NUDT3: variants seen among roughly 807,000 people sequenced by gnomAD.
NUDT3 encodes nudix hydrolase 3.
Under a neutral mutation model 23.6 loss-of-function variants are expected in NUDT3, and 9 were observed. The observed-to-expected ratio is 0.38, with a 90% confidence interval of 0.23 to 0.66. The LOEUF is 0.66. NUDT3 is among the 30% of genes least tolerant of loss of function. The pLI, the probability that NUDT3 is intolerant of heterozygous loss-of-function variation, is 0.52. For synonymous variants in NUDT3, 86 were observed against 82.6 expected (o/e 1.04, Z -0.22); for missense variants, 172 against 218.5 (o/e 0.79, Z 1.34).
intron 2 of NUDT3, 142 bp downstream of exon 2, chr6:34,341,720 A>AG (rs1263735699): frequency 1.1e-5 from 7 of 614,476 alleles, no homozygotes; most frequent in Non-Finnish European, 1.8e-5. Flanking sequence ...CCGGTAATAA[A>AG]GGAGGGACCG....
chr6:34,347,028 C>A (rs1277408624), intron 1 of NUDT3, among the ~76,000 whole-genome samples: 1 of 152,208 alleles, frequency 6.6e-6, no homozygotes, highest in Non-Finnish European at 1.5e-5. Context: ...CTTGGCCTCC[C>A]AATGTGCTAG....
At chr6:34,355,181 G>C (rs1340362006) in intron 1 of NUDT3, among the ~76,000 whole-genome samples, 2 of 152,078 alleles carry the variant, frequency 1.3e-5, no homozygotes, top group South Asian at 4.2e-4. Context: ...CCTTTATTAG[G>C]TTAAGGAAGT....
intron 2 of NUDT3, among the ~76,000 whole-genome samples, chr6:34,322,105 T>C (rs1170941541): frequency 6.6e-6 from 1 of 152,150 alleles, no homozygotes; most frequent in Non-Finnish European, 1.5e-5. Context: ...AAAGTTCTAT[T>C]GGATGGCACT....
At chr6:34,318,965 A>AT (rs1168448181) in intron 2 of NUDT3, among the ~76,000 whole-genome samples, 1 of 151,722 alleles carries the variant, frequency 6.6e-6, no homozygotes, top group East Asian at 1.9e-4. Context: ...AAGTTAGAAG[A>AT]TTTAGTCAAT....
intron 2 of NUDT3, among the ~76,000 whole-genome samples, chr6:34,329,184 T>C (rs1764087758): frequency 6.6e-6 from 1 of 152,356 alleles, no homozygotes; most frequent in Middle Eastern, 3.4e-3. Flanking sequence ...TTCTGGTTGC[T>C]CTGTGTGTGT....
chr6:34,281,136 ATAG>A lies in NUDT3; in HGVS notation c.*7614_*7616del, dbSNP rs1383856652. 6.6e-6 allele frequency: 1 copy of A among 152,326 alleles called. No homozygotes were observed. Among genetic ancestry groups the A allele is most frequent in the Non-Finnish European group, 1.5e-5 (1 of 68,050 alleles). 9.4% of individuals were successfully genotyped at this position (152,326 alleles called of 1,614,324 possible). On this transcript the variant is annotated 3_prime_UTR_variant, in exon 5 of 5. Coordinates refer to ENST00000607016, the MANE Select transcript of NUDT3 (RefSeq NM_006703.4). ...AGGGATGTTAACCTTTCTGATGCTGATAGTAGATGAGTGGAGTGGAGGTAATCG... is the reference window on the plus strand; with the variant it reads ...AGGGATGTTAACCTTTCTGATGCTGATAGATGAGTGGAGTGGAGGTAATCG...
chr6:34,281,066 G>A lies in NUDT3; in HGVS notation c.*7687C>T, dbSNP rs983506502. 1 of 152,216 alleles carries A rather than the reference G, an allele frequency of 6.6e-6. No individual in the cohort carries two copies. The highest frequency in any genetic ancestry group is 1.5e-5 in the Non-Finnish European group (1 of 68,052). 9.4% of individuals were successfully genotyped at this position (152,216 alleles called of 1,614,324 possible). A position where few individuals can be genotyped will look rare whatever the true frequency, so the allele number is the denominator to read the frequency against. On this transcript the variant is annotated 3_prime_UTR_variant, in exon 5 of 5. Coordinates refer to ENST00000607016, the MANE Select transcript of NUDT3 (RefSeq NM_006703.4). Reference sequence around the variant, plus strand: ...ATATGGATGGCACACCTGGAAAAGGGGAGAAAGCACACTAGTTCATCTCTT... The same window carrying A: ...ATATGGATGGCACACCTGGAAAAGGAGAGAAAGCACACTAGTTCATCTCTT...
chr6:34,332,767 T>C (rs979743460), intron 2 of NUDT3, among the ~76,000 whole-genome samples: 6 of 152,212 alleles, frequency 3.9e-5, no homozygotes, highest in African/African-American at 1.2e-4. Context: ...ATGGCTATAC[T>C]GTAGGCACAT....
Position 34,282,135 on chromosome 6 carries a change from C to G in NUDT3, c.*6618G>C, listed in dbSNP as rs546127900. The G allele has an allele frequency of 6.6e-6, 1 of 152,268 alleles. No homozygotes were observed. The highest frequency in any genetic ancestry group is 2.1e-4 in the South Asian group (1 of 4,816). The allele number at this position is 152,268 out of a possible 1,614,324, so 9.4% of individuals were successfully genotyped here. On this transcript the variant is annotated 3_prime_UTR_variant, in exon 5 of 5. Coordinates refer to ENST00000607016, the MANE Select transcript of NUDT3 (RefSeq NM_006703.4). ...GAACTGAGTAACCAAAGCTAGATAT[C>G]CCTTGGACCACTGATTAGTGACACA...
At chr6:34,372,377 C>T (rs535050146) in intron 1 of NUDT3, among the ~76,000 whole-genome samples, 32 of 152,252 alleles carry the variant, frequency 2.1e-4, no homozygotes, top group African/African-American at 7.2e-4. Context: ...AAAAGTGTTC[C>T]TATTTCTCCA....
intron 2 of NUDT3, among the ~76,000 whole-genome samples, chr6:34,322,266 T>C (rs1388625262): frequency 6.6e-6 from 1 of 151,992 alleles, no homozygotes; most frequent in Non-Finnish European, 1.5e-5. Flanking sequence ...AGTTTCGCTC[T>C]GTCGCCCAGG....
intron 2 of NUDT3, among the ~76,000 whole-genome samples, chr6:34,334,363 G>C (rs1304526131): frequency 6.6e-6 from 1 of 152,184 alleles, no homozygotes; most frequent in Non-Finnish European, 1.5e-5. Flanking sequence ...ATGGGACCAG[G>C]GGCGGTGGCT....
chr6:34,301,891 T>C (rs1220562071), intron 2 of NUDT3, among the ~76,000 whole-genome samples: 1 of 152,210 alleles, frequency 6.6e-6, no homozygotes, highest in African/African-American at 2.4e-5. Context: ...GAGTGTGAAA[T>C]TGCATTACAT....
At chr6:34,370,147 C>T (rs1258150031) in intron 1 of NUDT3, among the ~76,000 whole-genome samples, 1 of 152,184 alleles carries the variant, frequency 6.6e-6, no homozygotes, top group Non-Finnish European at 1.5e-5. Flanking sequence ...ACCATTTGCA[C>T]CTGCCCTAAT....
At chr6:34,345,283 C>T (rs185357701) in intron 1 of NUDT3, among the ~76,000 whole-genome samples, 2 of 151,816 alleles carry the variant, frequency 1.3e-5, no homozygotes, top group Non-Finnish European at 2.9e-5. Context: ...CTCCTGACCT[C>T]AGGTGATCCA....
rs1765152671 is a variant in NUDT3, at chr6:34,388,983, C to T, written c.99+3281G>A. On this transcript the variant is annotated intron_variant, in intron 1 of 4. Coordinates refer to ENST00000607016, the MANE Select transcript of NUDT3 (RefSeq NM_006703.4). ...TTTTAACAGTTTAAAATTTTAAGCT[C>T]CTGGCCTGGCAAAGTGGCTCTTGCC... 3.9e-5 allele frequency among the ~76,000 whole-genome samples: 6 copies of T among 152,262 alleles called. No homozygotes were observed. The South Asian group carries it at 1.2e-3, about 32-fold the overall frequency.
At chr6:34,319,701 T>C (rs1393493540) in intron 2 of NUDT3, among the ~76,000 whole-genome samples, 1 of 152,198 alleles carries the variant, frequency 6.6e-6, no homozygotes, top group Non-Finnish European at 1.5e-5. Flanking sequence ...TAGGAAAACC[T>C]AGCAAGGCCT....
At chr6:34,391,590 T>C (rs1765199619) in intron 1 of NUDT3, among the ~76,000 whole-genome samples, 1 of 152,240 alleles carries the variant, frequency 6.6e-6, no homozygotes, top group African/African-American at 2.4e-5. Flanking sequence ...ATACCGCTTT[T>C]GGTCTTCCCA....
At chr6:34,299,347 A>C (rs1038408201) in intron 2 of NUDT3, among the ~76,000 whole-genome samples, 2 of 152,252 alleles carry the variant, frequency 1.3e-5, no homozygotes, top group Admixed American at 1.3e-4. Flanking sequence ...TTTATTTAAA[A>C]GTCCATCTTA....
Sources: allele counts gnomAD v4.1 joint callset (sites outside exome capture counted in the v4.1 genomes callset), GRCh38; gene constraint gnomAD v4.1.1; transcripts MANE v1.5; gene names NCBI Gene and HGNC (gene_info 2026-07-23, HGNC 2026-07-21).